SLC9B1: variants seen among roughly 807,000 people sequenced by gnomAD.
The protein encoded by SLC9B1 is sodium/hydrogen exchanger 9B1.
SLC9B1 carries 32 observed loss-of-function variants against 51.7 expected under a neutral mutation model. That is an observed-to-expected ratio of 0.62 (90% CI 0.47 to 0.83). SLC9B1 has a LOEUF of 0.83. Among genes scored for constraint, SLC9B1 ranks in the 40% least tolerant of loss-of-function variants. The pLI is 0.00. For missense variants in SLC9B1, 406 were observed against 613.2 expected (o/e 0.66, Z 3.57); for synonymous variants, 145 against 212.7 (o/e 0.68, Z 2.77).
At chr4:102,957,896 T>A (rs529113080) in intron 3 of SLC9B1, among the ~76,000 whole-genome samples, 35 of 152,140 alleles carry the variant, frequency 2.3e-4, no homozygotes, top group Non-Finnish European at 3.2e-4. Context: ...ATATAAGAGG[T>A]ACATTGGATC....
intron 5 of SLC9B1, 43 bp from the exon 6 acceptor site, chr4:102,945,363 CA>C (rs747717315): frequency 2.7e-6 from 4 of 1,475,152 alleles, no homozygotes; most frequent in Admixed American, 2.3e-5. Flanking sequence ...TTACAATGGC[CA>C]ACAAGAAAAT....
chr4:102,979,740 C>T (rs1407634071), intron 3 of SLC9B1, among the ~76,000 whole-genome samples: 1 of 152,042 alleles, frequency 6.6e-6, no homozygotes, highest in East Asian at 1.9e-4. Flanking sequence ...TTTTTTAGAG[C>T]AGTTTTAGGC....
At chr4:103,018,738 A>G (rs993525977) in intron 1 of SLC9B1, among the ~76,000 whole-genome samples, 7 of 152,252 alleles carry the variant, frequency 4.6e-5, no homozygotes, top group African/African-American at 9.6e-5. Flanking sequence ...CAGACACAGT[A>G]TGTGTGCAAC....
intron 3 of SLC9B1, among the ~76,000 whole-genome samples, chr4:102,982,110 T>G (rs971286478): frequency 2.6e-5 from 4 of 152,090 alleles, no homozygotes; most frequent in Non-Finnish European, 4.4e-5. Flanking sequence ...TTTTTTTTTT[T>G]GCATCCATGT....
chr4:102,992,524 T>G (rs1739996763), intron 1 of SLC9B1, among the ~76,000 whole-genome samples: 1 of 152,192 alleles, frequency 6.6e-6, no homozygotes, highest in Admixed American at 6.5e-5. Flanking sequence ...AAAGGAACAT[T>G]AACAGTTGAG....
rs544508248 is a variant in SLC9B1, at chr4:102,989,857, T to C, written c.154A>G (p.Lys52Glu). The C allele has an allele frequency of 1.2e-6, 2 of 1,604,378 alleles. No homozygotes were observed. Among genetic ancestry groups the C allele is most frequent in the South Asian group, 2.2e-5 (2 of 90,202 alleles). The change falls in exon 3 of 12, where the codon AAG becomes GAG. Residue 52 changes from lysine (K) to glutamate (E), a missense_variant. This residue lies in a region of SLC9B1 where 108 missense variants were observed against 94.5 expected (regional missense o/e 1.14). Coordinates refer to ENST00000296422, the MANE Select transcript of SLC9B1 (RefSeq NM_139173.4). ...AGAGGACAAGAAATGTATGTCTCCT[T>C]TTTTGTCTGTGGTTTTATTTCTTCT... ...DTEEIKPQTK[K>E]ETYISCPLRG... is the part of the protein sequence containing the mutation.
At chr4:102,887,247 G>A in intron 11 of SLC9B1, 1 of 753,474 alleles carries the variant, frequency 1.3e-6, no homozygotes, top group Non-Finnish European at 2.3e-6. Flanking sequence ...TTTTTAGCAA[G>A]TGATATGCTT....
chr4:102,923,929 A>T (rs1452342313), intron 7 of SLC9B1, among the ~76,000 whole-genome samples: 2 of 152,246 alleles, frequency 1.3e-5, no homozygotes, highest in African/African-American at 4.8e-5. Context: ...ATGGAAGAAC[A>T]TTCCATGCTC....
At chr4:102,938,946 C>A (rs1164506241) in intron 6 of SLC9B1, among the ~76,000 whole-genome samples, 1 of 151,828 alleles carries the variant, frequency 6.6e-6, no homozygotes, top group Non-Finnish European at 1.5e-5. Context: ...AAATTAACAA[C>A]CTAATATCAT....
At chr4:102,925,964 T>A in intron 7 of SLC9B1, among the ~76,000 whole-genome samples, 1 of 152,180 alleles carries the variant, frequency 6.6e-6, no homozygotes, top group Non-Finnish European at 1.5e-5. Flanking sequence ...ATAAACATAA[T>A]CCATTACATA....
intron 3 of SLC9B1, among the ~76,000 whole-genome samples, chr4:102,969,348 C>G (rs754679019): frequency 6.6e-6 from 1 of 152,218 alleles, no homozygotes; most frequent in Admixed American, 6.5e-5. Context: ...CCCAGGCAAA[C>G]AGGGTCTGGA....
chr4:102,942,679 A>G (rs1737063054), intron 6 of SLC9B1, among the ~76,000 whole-genome samples: 1 of 152,238 alleles, frequency 6.6e-6, no homozygotes, highest in Non-Finnish European at 1.5e-5. Flanking sequence ...AATCAACTCA[A>G]GATGGATCAA....
At chr4:102,949,822 G>A (rs752132780) in intron 3 of SLC9B1, among the ~76,000 whole-genome samples, 6 of 151,908 alleles carry the variant, frequency 3.9e-5, no homozygotes, top group Non-Finnish European at 7.4e-5. Context: ...TTAGCCAGGC[G>A]TGGTGGTGCG....
chr4:102,899,103 A>G (rs1026052114), downstream of SLC9B1, among the ~76,000 whole-genome samples: 1 of 150,972 alleles, frequency 6.6e-6, no homozygotes, highest in East Asian at 1.9e-4. Context: ...TTTTTAAATT[A>G]TATTAATAAA....
At chr4:102,928,586 A>G (rs1407319164) in intron 7 of SLC9B1, among the ~76,000 whole-genome samples, 4 of 152,206 alleles carry the variant, frequency 2.6e-5, no homozygotes, top group African/African-American at 9.7e-5. Context: ...ATTTTATAGC[A>G]TTACTCCATT....
At chr4:102,916,053 C>T (rs1426754661) in intron 7 of SLC9B1, among the ~76,000 whole-genome samples, 3 of 152,082 alleles carry the variant, frequency 2.0e-5, no homozygotes, top group African/African-American at 7.2e-5. Context: ...GCAAGACATA[C>T]ATAAAACAAT....
intron 1 of SLC9B1, among the ~76,000 whole-genome samples, chr4:103,015,263 T>G (rs1741257812): frequency 7.1e-6 from 1 of 140,036 alleles, no homozygotes; most frequent in Admixed American, 7.4e-5. Context: ...TGACAGTTTA[T>G]AATTTGAATG....
chr4:102,956,619 C>T (rs1396446095), intron 3 of SLC9B1, among the ~76,000 whole-genome samples: 11 of 152,050 alleles, frequency 7.2e-5, no homozygotes, highest in Non-Finnish European at 7.4e-5. Context: ...GCTAAAACAA[C>T]AATAACAACA....
chr4:102,895,691 T>C (rs1734502285), intron 11 of SLC9B1, among the ~76,000 whole-genome samples: 1 of 152,226 alleles, frequency 6.6e-6, no homozygotes, highest in African/African-American at 2.4e-5. Flanking sequence ...ACAGCAGTTT[T>C]GTTTAAATGG....
Sources: allele counts gnomAD v4.1 joint callset (sites outside exome capture counted in the v4.1 genomes callset), GRCh38; gene constraint gnomAD v4.1.1; regional missense constraint gnomAD v4.1.1; transcripts MANE v1.5; gene names NCBI Gene and HGNC (gene_info 2026-07-23, HGNC 2026-07-21).